The following RAPGEF4 variants were observed in gnomAD, a reference collection of about 807,000 sequenced individuals.
RAPGEF4 encodes RAP guanine-nucleotide-exchange factor (GEF) 4.
RAPGEF4 carries 66 observed loss-of-function variants against 147.9 expected under a neutral mutation model. That is an observed-to-expected ratio of 0.45 (90% confidence interval 0.37 to 0.55). The LOEUF (loss-of-function observed/expected upper bound fraction) is 0.55, where lower values mean the gene tolerates loss of function less well. RAPGEF4 is among the 20% of genes least tolerant of loss of function. The pLI, the probability that RAPGEF4 is intolerant of heterozygous loss-of-function variation, is 0.00. For synonymous variants in RAPGEF4, 419 were observed against 442.7 expected (o/e 0.95, Z 0.67); for missense variants, 1,071 against 1,257.3 (o/e 0.85, Z 2.24).
At chr2:172,821,473 A>G (rs1689053639) in intron 4 of RAPGEF4, 11 of 692,636 alleles carry the variant, frequency 1.6e-5, no homozygotes, top group African/African-American at 2.0e-5. Context: ...GCATCAAAGG[A>G]CTAAGAAAAA....
intron 1 of RAPGEF4, among the ~76,000 whole-genome samples, chr2:172,742,203 C>A (rs886548884): frequency 2.6e-5 from 4 of 152,206 alleles, no homozygotes; most frequent in Admixed American, 6.5e-5. Flanking sequence ...CTAATATAAT[C>A]AATTATTCAG....
intron 4 of RAPGEF4, among the ~76,000 whole-genome samples, chr2:172,882,434 G>C (rs1347548477): frequency 1.3e-5 from 2 of 152,152 alleles, no homozygotes; most frequent in Non-Finnish European, 2.9e-5. Flanking sequence ...TGGAGTACAG[G>C]AACTTTAGAG....
At chr2:172,981,669 T>C (rs1372758941) in intron 10 of RAPGEF4, among the ~76,000 whole-genome samples, 1 of 152,206 alleles carries the variant, frequency 6.6e-6, no homozygotes, top group African/African-American at 2.4e-5. Context: ...CGTTATAATA[T>C]TCTTTTGTTC....
intron 4 of RAPGEF4, among the ~76,000 whole-genome samples, chr2:172,890,629 T>C (rs1290717025): frequency 6.6e-6 from 1 of 152,202 alleles, no homozygotes. Flanking sequence ...TAGGCTGTAG[T>C]TCCTAGCATC....
chr2:172,834,085 C>T (rs1690664280), intron 4 of RAPGEF4, among the ~76,000 whole-genome samples: 2 of 152,172 alleles, frequency 1.3e-5, no homozygotes, highest in African/African-American at 4.8e-5. Context: ...GGGGGAAACT[C>T]AGAGGAAGAA....
intron 5 of RAPGEF4, among the ~76,000 whole-genome samples, chr2:172,919,362 G>A (rs1194084829): frequency 2.0e-5 from 3 of 152,048 alleles, no homozygotes; most frequent in African/African-American, 7.2e-5. Flanking sequence ...CATACTTCTT[G>A]AATAAACCAC....
chr2:172,768,242 A>C (rs1304756535), intron 1 of RAPGEF4, among the ~76,000 whole-genome samples: 1 of 152,204 alleles, frequency 6.6e-6, no homozygotes, highest in African/African-American at 2.4e-5. Context: ...GCTCAAGGCC[A>C]TTGAGAGGAT....
chr2:172,813,829 G>A (rs10197498), intron 3 of RAPGEF4, among the ~76,000 whole-genome samples: 30,824 of 152,144 alleles, frequency 0.2, 3,623 homozygotes, highest in Middle Eastern at 0.31. Context: ...CCACCAGCAG[G>A]AGGATGATAA....
chr2:172,998,664 T>C (rs761279567), intron 16 of RAPGEF4, among the ~76,000 whole-genome samples: 41 of 152,284 alleles, frequency 2.7e-4, no homozygotes, highest in Non-Finnish European at 5.3e-4. Flanking sequence ...ATATTTAGTA[T>C]AGAGAAACTG....
At chr2:172,937,497 C>T (rs1334149258) in intron 6 of RAPGEF4, among the ~76,000 whole-genome samples, 1 of 152,044 alleles carries the variant, frequency 6.6e-6, no homozygotes, top group Non-Finnish European at 1.5e-5. Flanking sequence ...TGGGGAAGAC[C>T]GTATTTTCAT....
chr2:173,037,221 A>G (rs753281784), intron 29 of RAPGEF4, among the ~76,000 whole-genome samples: 18 of 152,300 alleles, frequency 1.2e-4, no homozygotes, highest in Middle Eastern at 3.4e-3. Context: ...ACATTTTTAT[A>G]TATTTACTTA....
chr2:172,935,623 A>G (rs1575299797), intron 6 of RAPGEF4, among the ~76,000 whole-genome samples: 1 of 152,260 alleles, frequency 6.6e-6, no homozygotes, highest in African/African-American at 2.4e-5. Flanking sequence ...GAAGTTGGAC[A>G]GATGCACTTA....
chr2:172,908,862 T>C (rs1328199528), intron 4 of RAPGEF4, among the ~76,000 whole-genome samples: 1 of 152,052 alleles, frequency 6.6e-6, no homozygotes, highest in African/African-American at 2.4e-5. Context: ...TTGAGGGACT[T>C]GTCTGCAATG....
chr2:173,015,340 G>A (rs969822612), intron 18 of RAPGEF4, among the ~76,000 whole-genome samples: 6 of 152,248 alleles, frequency 3.9e-5, no homozygotes, highest in South Asian at 4.2e-4. Flanking sequence ...TCAATTAGTC[G>A]CTCTCCCCTC....
intron 4 of RAPGEF4, among the ~76,000 whole-genome samples, chr2:172,887,060 G>A (rs1170077835): frequency 6.6e-6 from 1 of 152,048 alleles, no homozygotes; most frequent in African/African-American, 2.4e-5. Flanking sequence ...GGTGACACAT[G>A]CCTGTAATCC....
chr2:173,010,235 T>C (rs753537693), intron 17 of RAPGEF4, among the ~76,000 whole-genome samples: 2 of 152,250 alleles, frequency 1.3e-5, no homozygotes, highest in African/African-American at 4.8e-5. Flanking sequence ...TTAAATTATA[T>C]GGCCTTTCCT....
At chr2:172,998,187 T>G (rs1057295883) in intron 16 of RAPGEF4, among the ~76,000 whole-genome samples, 6 of 152,198 alleles carry the variant, frequency 3.9e-5, no homozygotes, top group Non-Finnish European at 8.8e-5. Flanking sequence ...GGACACTGAC[T>G]AGGTGAGGGA....
intron 27 of RAPGEF4, 41 bp downstream of exon 27, chr2:173,034,005 T>G: frequency 1.3e-6 from 2 of 1,548,410 alleles, no homozygotes; most frequent in Non-Finnish European, 1.8e-6. Context: ...ACTGTCTACA[T>G]TAATCCAATT....
rs558211220 is a variant in RAPGEF4, at chr2:172,846,038, G to C, written c.444+31613G>C. 3.9e-5 allele frequency among the ~76,000 whole-genome samples: 6 copies of C among 152,260 alleles called. No individual in the cohort carries two copies. In the East Asian group the frequency reaches 1.2e-3, roughly 29 times the overall value. ...GCAAACCCTCCTCACCGCAGCAGGAGGACAAACCTGTAGCTTATGACTCCC... is the reference window on the plus strand; with the variant it reads ...GCAAACCCTCCTCACCGCAGCAGGACGACAAACCTGTAGCTTATGACTCCC... On this transcript the variant is annotated intron_variant, in intron 4 of 30. Transcript: ENST00000397081.
Sources: allele counts gnomAD v4.1 joint callset (sites outside exome capture counted in the v4.1 genomes callset), GRCh38; gene constraint gnomAD v4.1.1; transcripts MANE v1.5; gene names NCBI Gene and HGNC (gene_info 2026-07-23, HGNC 2026-07-21).